Variants in ADAM12 observed in about 807,000 individuals in gnomAD.
ADAM12 encodes disintegrin and metalloproteinase domain-containing protein 12.
A neutral mutation model predicts 106.4 loss-of-function variants in ADAM12; 70 were observed. The observed-to-expected ratio is 0.66, with a 90% CI of 0.54 to 0.80. The LOEUF is 0.80. ADAM12 is among the 30% of genes least tolerant of loss of function. The pLI is 0.00. For missense variants in ADAM12, 1,010 were observed against 1,171.9 expected (o/e 0.86, Z 2.02); for synonymous variants, 420 against 433.5 (o/e 0.97, Z 0.39).
chr10:126,093,480 C>T (rs1049024306), intron 11 of ADAM12, among the ~76,000 whole-genome samples: 4 of 152,204 alleles, frequency 2.6e-5, no homozygotes, highest in African/African-American at 9.7e-5. Context: ...AGAGACACTA[C>T]AAACCCCCAA....
At chr10:126,363,318 G>C (rs1855801727) in intron 1 of ADAM12, among the ~76,000 whole-genome samples, 1 of 152,144 alleles carries the variant, frequency 6.6e-6, no homozygotes, top group African/African-American at 2.4e-5. Flanking sequence ...AATTTTAAGA[G>C]AGAGTTTTTT....
rs1021568367 is a variant in ADAM12, at chr10:126,296,843, G to T, written c.187-17855C>A. On this transcript the variant is annotated intron_variant, in intron 2 of 22. Transcript: ENST00000448723. ...TAGCTAGTTTTTTGTTTGTTTGTTT[G>T]AACTGCAGGCCTTTTCATTTTACCT... Among the ~76,000 whole-genome samples, 3 of 152,162 alleles carry T rather than the reference G, an allele frequency of 2.0e-5. No homozygotes were observed. The East Asian group carries it at 5.8e-4, about 29-fold the overall frequency.
chr10:126,245,163 T>C (rs1351918356), intron 3 of ADAM12, among the ~76,000 whole-genome samples: 1 of 152,186 alleles, frequency 6.6e-6, no homozygotes, highest in East Asian at 1.9e-4. Flanking sequence ...GAGCATCACA[T>C]TGGCATGCTC....
Position 126,017,124 on chromosome 10 carries a change from C to T in ADAM12, c.*155G>A. On this transcript the variant is annotated 3_prime_UTR_variant, in exon 23 of 23. Coordinates refer to ENST00000448723, the MANE Select transcript of ADAM12 (RefSeq NM_001288973.2). ...TGAGCAAGTAGACAGAGCACCATAG[C>T]ACAGCACAGCACTGACGGCAGTAGC... 1.5e-6 allele frequency: 1 copy of T among 647,978 alleles called. No homozygotes were observed. Among genetic ancestry groups the T allele is most frequent in the Non-Finnish European group, 2.7e-6 (1 of 373,286 alleles). 40.1% of individuals were successfully genotyped at this position (647,978 alleles called of 1,614,324 possible).
chr10:126,255,880 G>A (rs934965688), intron 3 of ADAM12, among the ~76,000 whole-genome samples: 5 of 152,152 alleles, frequency 3.3e-5, no homozygotes, highest in Admixed American at 2.6e-4. Flanking sequence ...CGCCTCTACC[G>A]GAGCCAGATC....
intron 3 of ADAM12, among the ~76,000 whole-genome samples, chr10:126,182,044 T>C (rs190614416): frequency 6.6e-6 from 1 of 152,198 alleles, no homozygotes; most frequent in South Asian, 2.1e-4. Context: ...AAATAAAAGA[T>C]GGAAGTTCAC....
At chr10:126,336,943 G>A (rs181230457) in intron 1 of ADAM12, among the ~76,000 whole-genome samples, 1 of 152,328 alleles carries the variant, frequency 6.6e-6, no homozygotes, top group Admixed American at 6.5e-5. Flanking sequence ...GATCCTTGGT[G>A]AGTGGAGCTG....
intron 5 of ADAM12, among the ~76,000 whole-genome samples, chr10:126,131,712 A>G (rs1418783862): frequency 2.6e-5 from 4 of 152,228 alleles, no homozygotes; most frequent in Non-Finnish European, 5.9e-5. Context: ...TTGTCAGCTC[A>G]TTGATCTTGG....
intron 3 of ADAM12, among the ~76,000 whole-genome samples, chr10:126,180,867 A>C (rs1957300142): frequency 6.6e-6 from 1 of 152,176 alleles, no homozygotes; most frequent in South Asian, 2.1e-4. Context: ...AATTATACTA[A>C]TACACTTTCA....
rs182483377 is a variant in ADAM12 at position 126,135,136 on chromosome 10, C to T, written c.416+448G>A. Among the ~76,000 whole-genome samples the T allele has an allele frequency of 1.8e-3, 281 of 152,312 alleles. 1 individual carries two copies. The highest frequency in any genetic ancestry group is 8.7e-4 in the Non-Finnish European group (59 of 68,026). ...CCAATCCATGCCTCTATTCAACTCA[C>T]CTTGGTTGTTGCTAAATTAGTTTCC... On this transcript the variant is annotated intron_variant, in intron 5 of 22. Coordinates refer to ENST00000448723, the MANE Select transcript of ADAM12 (RefSeq NM_001288973.2).
intron 3 of ADAM12, among the ~76,000 whole-genome samples, chr10:126,203,939 CGTGTGTGT>C (rs56035821): frequency 6.7e-6 from 1 of 150,162 alleles, no homozygotes; most frequent in Admixed American, 6.6e-5. Context: ...CGCGCGCGCG[CGTGTGTGT>C]GTGTGTGTGT....
chr10:126,301,085 G>A (rs1437971377), intron 2 of ADAM12, among the ~76,000 whole-genome samples: 1 of 152,210 alleles, frequency 6.6e-6, no homozygotes, highest in Non-Finnish European at 1.5e-5. Context: ...AGATGCTACT[G>A]GCAACCAGTG....
intron 3 of ADAM12, among the ~76,000 whole-genome samples, chr10:126,226,405 G>A (rs772720872): frequency 6.6e-6 from 1 of 152,198 alleles, no homozygotes; most frequent in Non-Finnish European, 1.5e-5. Context: ...GGATGCGTGT[G>A]CAGCCCTGCG....
chr10:126,258,392 CCACACGCCCCACCCGTGCCCCA>C (rs1168471716), intron 3 of ADAM12, among the ~76,000 whole-genome samples: 3 of 82,808 alleles, frequency 3.6e-5, no homozygotes. Context: ...CCTCCGTGCC[CCACACGCCCCACCCGTGCCCCA>C]CACGCCCCAC....
At chr10:126,384,501 CTGAGA>C (rs1351885799) in intron 1 of ADAM12, among the ~76,000 whole-genome samples, 2 of 151,898 alleles carry the variant, frequency 1.3e-5, no homozygotes, top group Admixed American at 6.6e-5. Flanking sequence ...AAGGGTAGTC[CTGAGA>C]TAACAGCTGT....
intron 2 of ADAM12, among the ~76,000 whole-genome samples, chr10:126,296,046 C>T (rs923167476): frequency 1.8e-4 from 27 of 152,280 alleles, no homozygotes; most frequent in African/African-American, 5.3e-4. Context: ...AGGGCAGTAA[C>T]TGGAGAGAAG....
Position 126,265,837 on chromosome 10 carries a change from A to G in ADAM12, c.260+13078T>C, listed in dbSNP as rs370761281. On this transcript the variant is annotated intron_variant, in intron 3 of 22. Transcript: ENST00000448723. ...CACATTAAAAATGTAGCAGACACAT[A>G]CAACGTGGGGACTGTGTTTATAACC... Among the ~76,000 whole-genome samples, 9 of 152,346 alleles carry G rather than the reference A, an allele frequency of 5.9e-5. 1 individual carries two copies. The highest frequency in any genetic ancestry group is 1.9e-4 in the African/African-American group (8 of 41,586).
chr10:126,275,362 T>C (rs1324254957), intron 3 of ADAM12, among the ~76,000 whole-genome samples: 1 of 152,202 alleles, frequency 6.6e-6, no homozygotes, highest in Non-Finnish European at 1.5e-5. Context: ...TTGTGCAAAA[T>C]GCTTCTCAGG....
chr10:126,288,056 T>C (rs941055051), intron 2 of ADAM12, among the ~76,000 whole-genome samples: 4 of 151,878 alleles, frequency 2.6e-5, no homozygotes, highest in African/African-American at 9.7e-5. Flanking sequence ...AAAGGTCCCC[T>C]GAGGAGGTAT....
Sources: allele counts gnomAD v4.1 joint callset (sites outside exome capture counted in the v4.1 genomes callset), GRCh38; gene constraint gnomAD v4.1.1; transcripts MANE v1.5; gene names NCBI Gene and HGNC (gene_info 2026-07-23, HGNC 2026-07-21).